MALRD1: variants seen among roughly 807,000 people sequenced by gnomAD.
MALRD1 encodes the protein MAM and LDL receptor class A domain containing 1.
In MALRD1, 247 loss-of-function variants were observed where a neutral mutation model predicts 242.1. The observed-to-expected ratio is 1.02, with a 90% CI of 0.92 to 1.13. The LOEUF is 1.13. Ranked by LOEUF, MALRD1 falls within the 50% of genes most tolerant of loss-of-function variation. The probability of loss-of-function intolerance (pLI) is 0.00; values close to 1 mark genes in which losing one functional copy is unlikely to be tolerated. For missense variants in MALRD1, 2,989 were observed against 2,533.1 expected (o/e 1.18, Z -3.86); for synonymous variants, 995 against 866.6 (o/e 1.15, Z -2.60).
At chr10:19,317,756 A>ATTAC (rs1842764789) in intron 21 of MALRD1, among the ~76,000 whole-genome samples, 1 of 152,066 alleles carries the variant, frequency 6.6e-6, no homozygotes, top group South Asian at 2.1e-4. Flanking sequence ...CAGTGTTTTA[A>ATTAC]TTACTTAATC....
intron 36 of MALRD1, among the ~76,000 whole-genome samples, chr10:19,686,047 C>G (rs553496162): frequency 6.6e-6 from 1 of 152,152 alleles, no homozygotes; most frequent in East Asian, 1.9e-4. Context: ...TCTTATGGGT[C>G]TGCAGCAACC....
At chr10:19,243,209 C>G (rs72796405) in intron 18 of MALRD1, among the ~76,000 whole-genome samples, 1 of 151,410 alleles carries the variant, frequency 6.6e-6, no homozygotes, top group Admixed American at 6.6e-5. Context: ...GACTTCTCCC[C>G]CGCCACACAC....
rs1432210834 is a variant in MALRD1, at chr10:19,326,012, CAT to C, written c.3577-1548_3577-1547del. Among the ~76,000 whole-genome samples the C allele has an allele frequency of 4.8e-5, 7 of 146,918 alleles. No homozygotes were observed. The East Asian group carries it at 6.1e-4, about 13-fold the overall frequency. On this transcript the variant is annotated intron_variant, in intron 22 of 39. Coordinates refer to ENST00000454679, the MANE Select transcript of MALRD1 (RefSeq NM_001142308.3). ...GATAAACATAGTTTCTTTCAAAAAA[CAT>C]ATTAAATTTCATATCAATTTTAGAA...
chr10:19,540,520 T>A lies in MALRD1; in HGVS notation c.5478+9169T>A, dbSNP rs142599780. On this transcript the variant is annotated intron_variant, in intron 32 of 39. Coordinates refer to ENST00000454679, the MANE Select transcript of MALRD1 (RefSeq NM_001142308.3). ...AGTTTCTAATAATAGAGGAAATGCG[T>A]TGATACTTATATTCACTTAATCAGG... Among the ~76,000 whole-genome samples, 3 of 152,338 alleles carry A rather than the reference T, an allele frequency of 2.0e-5. No individual in the cohort carries two copies. The East Asian group carries it at 5.8e-4, about 29-fold the overall frequency.
At chr10:19,052,225 T>C (rs1834529294) in intron 1 of MALRD1, 1 of 256,092 alleles carries the variant, frequency 3.9e-6, no homozygotes, top group Non-Finnish European at 7.7e-6. Context: ...CCTTCCCCTT[T>C]CCCCCCATTC....
chr10:19,348,161 G>A (rs1844215254), intron 25 of MALRD1, 143 bp downstream of exon 25: 1 of 1,091,254 alleles, frequency 9.2e-7, no homozygotes. Flanking sequence ...TGTGAAGGGG[G>A]GAAAAAATGA....
At chr10:19,490,045 G>C (rs1386161867) in intron 29 of MALRD1, among the ~76,000 whole-genome samples, 1 of 152,002 alleles carries the variant, frequency 6.6e-6, no homozygotes, top group Non-Finnish European at 1.5e-5. Flanking sequence ...AGCCTCTTAA[G>C]GAAAATTTGC....
chr10:19,238,479 T>A, intron 18 of MALRD1, among the ~76,000 whole-genome samples: 1 of 27,750 alleles, frequency 3.6e-5, no homozygotes, highest in African/African-American at 2.4e-4. Context: ...ATATATAATA[T>A]ACATTATATA....
intron 7 of MALRD1, among the ~76,000 whole-genome samples, chr10:19,126,801 G>A (rs1333140246): frequency 6.6e-6 from 1 of 151,898 alleles, no homozygotes; most frequent in Non-Finnish European, 1.5e-5. Context: ...AGGATGTGCA[G>A]GTTTGTTACA....
Position 19,692,361 on chromosome 10 carries a change from A to G in MALRD1, c.6217A>G (p.Asn2073Asp). 1 of 1,534,446 alleles carries G rather than the reference A, an allele frequency of 6.5e-7. No homozygotes were observed. Among genetic ancestry groups the G allele is most frequent in the South Asian group, 1.2e-5 (1 of 83,956 alleles). ...TACAGACTTCACATACGCTCAGAAT[A>G]GTAGGTGACATTATGACTAAATAAA... The part of the protein sequence containing the change: ...PATDFTYAQN[N>D]TWTLLGIGLA... Residue 2073 changes from asparagine (N) to aspartate (D), a missense_variant and splice_region_variant, in exon 37 of 40, where the codon AAT becomes GAT. Coordinates refer to ENST00000454679, the MANE Select transcript of MALRD1 (RefSeq NM_001142308.3).
At chr10:19,632,883 G>T (rs890952458) in intron 36 of MALRD1, among the ~76,000 whole-genome samples, 1 of 152,100 alleles carries the variant, frequency 6.6e-6, no homozygotes, top group African/African-American at 2.4e-5. Context: ...TGATTTTTTA[G>T]AACTTTTGTG....
chr10:19,365,436 T>G (rs931086205), intron 26 of MALRD1, among the ~76,000 whole-genome samples: 3 of 152,130 alleles, frequency 2.0e-5, no homozygotes, highest in East Asian at 1.9e-4. Context: ...ATTTTATCAC[T>G]GTCTCTTGGT....
At chr10:19,318,974 TACACACACACACAC>T (rs5783665) in intron 21 of MALRD1, among the ~76,000 whole-genome samples, 5 of 148,938 alleles carry the variant, frequency 3.4e-5, no homozygotes, top group African/African-American at 9.8e-5. Context: ...TACACAGACA[TACACACACACACAC>T]ACACACACAC....
chr10:19,295,989 C>T (rs910350209), intron 21 of MALRD1, among the ~76,000 whole-genome samples: 1 of 151,990 alleles, frequency 6.6e-6, no homozygotes, highest in African/African-American at 2.4e-5. Flanking sequence ...AAATTGGCAG[C>T]ACAGTGGAAT....
chr10:19,522,210 T>C (rs1183454982), intron 31 of MALRD1, among the ~76,000 whole-genome samples: 2 of 152,272 alleles, frequency 1.3e-5, no homozygotes, highest in Non-Finnish European at 2.9e-5. Context: ...TTAATTCTTA[T>C]GTTCTTCTTC....
rs554083862 is a variant in MALRD1 at position 19,616,470 on chromosome 10, G to A, written c.6137+547G>A. Among the ~76,000 whole-genome samples the A allele has an allele frequency of 1.9e-4, 29 of 152,108 alleles. No homozygotes were observed. In the South Asian group the frequency reaches 5.6e-3, roughly 29 times the overall value. On this transcript the variant is annotated intron_variant, in intron 36 of 39. Coordinates refer to ENST00000454679, the MANE Select transcript of MALRD1 (RefSeq NM_001142308.3). ...ATTTCTTTGGGGAAATATTTATATT[G>A]CATATCAAAGATGGCTTGATTTCTT...
intron 1 of MALRD1, among the ~76,000 whole-genome samples, chr10:19,062,646 C>A (rs1834856489): frequency 6.6e-6 from 1 of 152,270 alleles, no homozygotes; most frequent in South Asian, 2.1e-4. Flanking sequence ...AAAACATACA[C>A]TATATGATTC....
chr10:19,079,596 T>G (rs2358294), intron 2 of MALRD1, among the ~76,000 whole-genome samples: 11,160 of 152,038 alleles, frequency 0.073, 584 homozygotes, highest in East Asian at 0.27. Flanking sequence ...TCTCCAACTA[T>G]TATTGTTAAA....
At chr10:19,499,664 C>T (rs576379058) in intron 31 of MALRD1, among the ~76,000 whole-genome samples, 18 of 152,086 alleles carry the variant, frequency 1.2e-4, no homozygotes, top group Non-Finnish European at 1.2e-4. Context: ...TCAGGAGAAC[C>T]CTAACCAATA....
Sources: gnomAD v4.1 joint callset for allele counts (sites outside exome capture counted in the v4.1 genomes callset) on GRCh38, gnomAD v4.1.1 for gene constraint, MANE v1.5 for transcripts, NCBI Gene and HGNC (gene_info 2026-07-23, HGNC 2026-07-21) for gene names.